The following LRPAP1 variants were observed in gnomAD, a reference collection of about 807,000 sequenced individuals.
LRPAP1 encodes alpha-2-macroglobulin receptor-associated protein.
LRPAP1 carries 41 observed loss-of-function variants against 39.9 expected under a neutral mutation model. The ratio of observed to expected loss-of-function variants is 1.03; its 90% CI spans 0.80 to 1.33. The LOEUF (loss-of-function observed/expected upper bound fraction) is 1.33. Ranked by LOEUF, LRPAP1 falls within the 40% of genes most tolerant of loss-of-function variation. LRPAP1 has a pLI of 0.00. For synonymous variants in LRPAP1, 263 were observed against 212.7 expected, an observed-to-expected ratio of 1.24 and a Z score of -2.06; for missense variants, 565 against 482.3, an observed-to-expected ratio of 1.17 and a Z score of -1.61.
chr4:3,521,015 G>A (rs1414229443), intron 2 of LRPAP1, among the ~76,000 whole-genome samples: 1 of 152,240 alleles, frequency 6.6e-6, no homozygotes, highest in Non-Finnish European at 1.5e-5. Context: ...GAGCCTGGGG[G>A]CTGGCCTCGC....
Position 3,503,698 on chromosome 4 carries a change from T to C in LRPAP1, c.*9276A>G, listed in dbSNP as rs1014284665. The stretch of plus-strand genomic sequence containing the variant: ...AGGGAAATGTGGTTAGTGTGGTACG[T>C]TGAGGGAAACTTATAACCTCACGCG... On this transcript the variant is annotated 3_prime_UTR_variant, in exon 8 of 8. Coordinates refer to ENST00000650182, the MANE Select transcript of LRPAP1 (RefSeq NM_002337.4). 6.6e-6 allele frequency: 1 copy of C among 152,234 alleles called. No homozygotes were observed. Among genetic ancestry groups the C allele is most frequent in the Non-Finnish European group, 1.5e-5 (1 of 68,042 alleles). 9.4% of individuals were successfully genotyped at this position (152,234 alleles called of 1,614,324 possible).
chr4:3,527,440 C>T (rs1218224940), intron 1 of LRPAP1, among the ~76,000 whole-genome samples: 2 of 146,318 alleles, frequency 1.4e-5, no homozygotes, highest in African/African-American at 2.4e-5. Flanking sequence ...GGAGGGGGAG[C>T]CCACACCTGC....
chr4:3,514,962 T>C (rs2515967), intron 6 of LRPAP1, 34 bp from the exon 7 acceptor site: 1,578,902 of 1,607,488 alleles, frequency 0.98, 775,470 homozygotes, highest in East Asian at 1. Flanking sequence ...AGTGTTCCCT[T>C]CCCGTGCTCG....
At chr4:3,515,177 C>T (rs1235741970) in intron 6 of LRPAP1, among the ~76,000 whole-genome samples, 1 of 152,152 alleles carries the variant, frequency 6.6e-6, no homozygotes, top group Non-Finnish European at 1.5e-5. Context: ...CCCCCGCCCC[C>T]CGAATCTAGG....
chr4:3,522,116 G>C (rs1213468377), intron 2 of LRPAP1, among the ~76,000 whole-genome samples: 2 of 152,262 alleles, frequency 1.3e-5, no homozygotes, highest in African/African-American at 2.4e-5. Flanking sequence ...AGGCCTGCCT[G>C]TGAAGGCCGT....
intron 1 of LRPAP1, among the ~76,000 whole-genome samples, chr4:3,530,783 T>G (rs903709573): frequency 1.3e-5 from 2 of 152,040 alleles, no homozygotes; most frequent in African/African-American, 4.8e-5. Flanking sequence ...GGAGGTAAGG[T>G]GGAGCGCACC....
At chr4:3,523,065 G>A (rs1729969031) in intron 2 of LRPAP1, among the ~76,000 whole-genome samples, 1 of 152,158 alleles carries the variant, frequency 6.6e-6, no homozygotes, top group Non-Finnish European at 1.5e-5. Flanking sequence ...GTCCCACTAA[G>A]TTTTCTGCCA....
Position 3,516,136 on chromosome 4 carries a change from T to C in LRPAP1, c.814A>G (p.Lys272Glu). 1.3e-6 allele frequency: 2 copies of C among 1,580,654 alleles called. No individual in the cohort carries two copies. Among genetic ancestry groups the C allele is most frequent in the Non-Finnish European group, 8.6e-7 (1 of 1,163,444 alleles). ...CTTACCCGGAACGCCTCCAGCTCCT[T>C]GTCCGTGAGGTTGGCGGACTGCGCC... ...DLAQSANLTD[K>E]ELEAFREELK... The change falls in exon 6 of 8, where the codon AAG (lysine) becomes GAG (glutamate). Residue 272 changes from lysine to glutamate, a missense_variant. Coordinates refer to ENST00000650182, the MANE Select transcript of LRPAP1 (RefSeq NM_002337.4).
rs1729330014 is a variant in LRPAP1 at position 3,505,632 on chromosome 4, C to CGTCTATACCAGCTACCCCAAGCCT, written c.*7341_*7342insAGGCTTGGGGTAGCTGGTATAGAC. Among the ~76,000 whole-genome samples, 2 of 151,936 alleles carry CGTCTATACCAGCTACCCCAAGCCT rather than the reference C, an allele frequency of 1.3e-5. No individual in the cohort carries two copies. The highest frequency in any genetic ancestry group is 4.8e-5 in the African/African-American group (2 of 41,368). On this transcript the variant is annotated 3_prime_UTR_variant, in exon 8 of 8. Coordinates refer to ENST00000650182, the MANE Select transcript of LRPAP1 (RefSeq NM_002337.4). The stretch of plus-strand genomic sequence containing the variant: ...GCACCACTACCAGCTACCCCAAGCC[C>CGTCTATACCAGCTACCCCAAGCCT]GTCTATACCAGCTACCCCAAGACCG...
At chr4:3,519,806 C>T (rs1004633536) in intron 3 of LRPAP1, among the ~76,000 whole-genome samples, 5 of 152,260 alleles carry the variant, frequency 3.3e-5, no homozygotes, top group South Asian at 4.1e-4. Flanking sequence ...CGTAACCACA[C>T]GTGACCTGAG....
At chr4:3,514,720 G>T (rs1264279615) in intron 7 of LRPAP1, 32 bp downstream of exon 7, 1 of 1,569,016 alleles carries the variant, frequency 6.4e-7, no homozygotes, top group East Asian at 2.3e-5. Context: ...CAGGGGAACT[G>T]TGGCCTCCCC....
rs561689665 is a variant in LRPAP1, at chr4:3,519,115, T to C, written c.472-124A>G. 28 of 1,474,466 alleles carry C rather than the reference T, an allele frequency of 1.9e-5. 1 individual carries two copies. The Admixed American group carries it at 5.1e-4, about 27-fold the overall frequency. The allele number at this position is 1,474,466 out of a possible 1,614,324, so 91.3% of individuals were successfully genotyped here. Reference sequence around the variant, plus strand: ...CTACGTGAGTGCCAGGCCAGGTTCTTGGCCTCACGAAGGGCAGGAAAACAA... The same window carrying C: ...CTACGTGAGTGCCAGGCCAGGTTCTCGGCCTCACGAAGGGCAGGAAAACAA... On this transcript the variant is annotated intron_variant, in intron 3 of 7. Coordinates refer to ENST00000650182, the MANE Select transcript of LRPAP1 (RefSeq NM_002337.4).
At chr4:3,513,092 T>A in intron 7 of LRPAP1, 56 bp from the exon 8 acceptor site, 2 of 1,386,458 alleles carry the variant, frequency 1.4e-6, no homozygotes, top group Non-Finnish European at 2.0e-6. Flanking sequence ...GCCAGCTCTG[T>A]GAGCTCAGCC....
Position 3,518,920 on chromosome 4 carries a change from C to T in LRPAP1, c.543G>A (p.Glu181=). 1 of 1,613,930 alleles carries T rather than the reference C, an allele frequency of 6.2e-7. No individual in the cohort carries two copies. The highest frequency in any genetic ancestry group is 8.5e-7 in the Non-Finnish European group (1 of 1,179,964). ...GCAGGACGTTGTACTCGTGAACTTT[C>T]TCTTTGTGATGCAGGAACTCCCGCC... ...KLWREFLHHK[E]KVHEYNVLLE... The change falls in exon 4 of 8, where the codon GAG becomes GAA. Residue 181 remains glutamate (E), a synonymous_variant. Transcript: ENST00000650182.
rs958973502 is a variant in LRPAP1, at chr4:3,521,370, G to A, written c.350-1177C>T. On this transcript the variant is annotated intron_variant, in intron 2 of 7. Coordinates refer to ENST00000650182, the MANE Select transcript of LRPAP1 (RefSeq NM_002337.4). The stretch of plus-strand genomic sequence containing the variant: ...CAGATGGTGACTCCCGGACCCCAGC[G>A]CCTCCTCTGGGCCTTCACCCGTGAC... Among the ~76,000 whole-genome samples the A allele has an allele frequency of 4.6e-5, 7 of 152,096 alleles. No homozygotes were observed. The East Asian group carries it at 1.4e-3, about 29-fold the overall frequency.
intron 1 of LRPAP1, among the ~76,000 whole-genome samples, chr4:3,525,650 G>T (rs1387320261): frequency 6.6e-6 from 1 of 152,226 alleles, no homozygotes; most frequent in East Asian, 1.9e-4. Flanking sequence ...GCAGCGCCCC[G>T]GAACGAGCTG....
chr4:3,519,017 G>A, intron 3 of LRPAP1, 26 bp from the exon 4 acceptor site: 1 of 1,607,358 alleles, frequency 6.2e-7, no homozygotes, highest in Non-Finnish European at 8.5e-7. Flanking sequence ...GGCCTGGAGT[G>A]AACCCGCCGC....
intron 2 of LRPAP1, among the ~76,000 whole-genome samples, chr4:3,523,829 AGT>A (rs1729995901): frequency 6.6e-6 from 1 of 152,198 alleles, no homozygotes; most frequent in Admixed American, 6.5e-5. Flanking sequence ...GACAGCAACA[AGT>A]GCGATGGCAG....
chr4:3,529,166 T>G (rs989742137), intron 1 of LRPAP1, among the ~76,000 whole-genome samples: 7 of 151,606 alleles, frequency 4.6e-5, no homozygotes, highest in Non-Finnish European at 1.0e-4. Flanking sequence ...CTACTAAAAA[T>G]ATAAAAATTA....
Sources: gnomAD v4.1 joint callset for allele counts (sites outside exome capture counted in the v4.1 genomes callset) on GRCh38, gnomAD v4.1.1 for gene constraint, MANE v1.5 for transcripts, NCBI Gene and HGNC (gene_info 2026-07-23, HGNC 2026-07-21) for gene names.